The following DEFB112 variants were observed in gnomAD, a reference collection of about 807,000 sequenced individuals.
DEFB112 encodes defensin beta 112, also known as beta-defensin 112.
In DEFB112, 2 loss-of-function variants were observed where a neutral mutation model predicts 1.1. The observed-to-expected ratio is 1.85, with a 90% CI of 0.76 to 5.83. The LOEUF is 5.83. Ranked by LOEUF, DEFB112 falls within the 30% of genes most tolerant of loss-of-function variation. DEFB112 has a pLI of 0.05. For missense variants in DEFB112, 120 were observed against 94.4 expected (o/e 1.27, Z -1.12); for synonymous variants, 40 against 31.2 (o/e 1.28, Z -0.93).
rs994974407 is a variant in DEFB112 at position 50,043,518 on chromosome 6, G to A, written c.*57C>T. On this transcript the variant is annotated 3_prime_UTR_variant, in exon 2 of 2. Transcript: ENST00000651554. ...GGAAATTATAGGTCATTAATGAAGT[G>A]ATGAAATAATGAGAGGACTTCATTC... The A allele has an allele frequency of 1.5e-6, 2 of 1,325,806 alleles. No individual in the cohort carries two copies. The highest frequency in any genetic ancestry group is 2.9e-5 in the African/African-American group (2 of 68,922). 82.1% of individuals were successfully genotyped at this position (1,325,806 alleles called of 1,614,324 possible). A position where few individuals can be genotyped will look rare whatever the true frequency, so the allele number is the denominator to read the frequency against.
intron 1 of DEFB112, among the ~76,000 whole-genome samples, chr6:50,049,068 A>C (rs1774886071): frequency 6.6e-6 from 1 of 152,122 alleles, no homozygotes; most frequent in African/African-American, 2.4e-5. Context: ...AAGAAAAATT[A>C]TTATCTGATT....
rs1031003279 is a variant in DEFB112 at position 50,043,213 on chromosome 6, C to T, written c.*362G>A. On this transcript the variant is annotated 3_prime_UTR_variant, in exon 2 of 2. Coordinates refer to ENST00000651554, the MANE Select transcript of DEFB112 (RefSeq NM_001369057.2). Reference sequence around the variant, plus strand: ...CTAGTTCAGGGGTCACATCTCTTATCAACTCTGTCCCCACTCCTGAGTCTC... The same window carrying T: ...CTAGTTCAGGGGTCACATCTCTTATTAACTCTGTCCCCACTCCTGAGTCTC... Among the ~76,000 whole-genome samples, 1 of 152,030 alleles carries T rather than the reference C, an allele frequency of 6.6e-6. No individual in the cohort carries two copies. Among genetic ancestry groups the T allele is most frequent in the Non-Finnish European group, 1.5e-5 (1 of 67,964 alleles).
intron 1 of DEFB112, chr6:50,048,398 T>G (rs1774871274): frequency 1.3e-6 from 1 of 762,674 alleles, no homozygotes; most frequent in African/African-American, 1.8e-5. Context: ...TCAGTCTTCA[T>G]AAAGCTATGA....
intron 1 of DEFB112, among the ~76,000 whole-genome samples, chr6:50,049,458 C>T (rs1405079911): frequency 2.0e-5 from 3 of 151,938 alleles, no homozygotes; most frequent in Admixed American, 6.6e-5. Context: ...CATAACTTTC[C>T]CAGTTTTTTC....
Position 50,043,662 on chromosome 6 carries a change from T to C in DEFB112, c.198A>G (p.Thr66=). The C allele has an allele frequency of 6.2e-7, 1 of 1,613,634 alleles. No individual in the cohort carries two copies. The highest frequency in any genetic ancestry group is 8.5e-7 in the Non-Finnish European group (1 of 1,179,632). ...CARPTTHCCV[T]ECDPTDPNNW... Reference sequence around the variant, plus strand: ...TATTTGGGTCCGTAGGGTCACATTCTGTCACGCAGCAATGAGTTGTAGGTC... The same window carrying C: ...TATTTGGGTCCGTAGGGTCACATTCCGTCACGCAGCAATGAGTTGTAGGTC... The change falls in exon 2 of 2, where the codon ACA becomes ACG. Residue 66 remains threonine (T), a synonymous_variant. Coordinates refer to ENST00000651554, the MANE Select transcript of DEFB112 (RefSeq NM_001369057.2).
At position 50,042,164 on chromosome 6, in the gene DEFB112, T is replaced by C. The variant is rs1337548290; in HGVS notation, c.*1411A>G. ...ACCACAGATACATTAAATTATAGTA[T>C]AGGTATACTGTGAGACCCCTGAAGT... is the stretch of plus-strand genomic sequence containing the variant. On this transcript the variant is annotated 3_prime_UTR_variant, in exon 2 of 2. Coordinates refer to ENST00000651554, the MANE Select transcript of DEFB112 (RefSeq NM_001369057.2). Among the ~76,000 whole-genome samples the C allele has an allele frequency of 6.6e-6, 1 of 152,038 alleles. No homozygotes were observed. The highest frequency in any genetic ancestry group is 2.4e-5 in the African/African-American group (1 of 41,424).
chr6:50,045,024 C>T (rs1774809422), intron 1 of DEFB112, among the ~76,000 whole-genome samples: 2 of 151,968 alleles, frequency 1.3e-5, no homozygotes. Flanking sequence ...TTAACATACT[C>T]TGGATTTGCA....
chr6:50,046,252 T>TGTGC (rs1554165640), intron 1 of DEFB112, among the ~76,000 whole-genome samples: 1 of 151,774 alleles, frequency 6.6e-6, no homozygotes, highest in African/African-American at 2.4e-5. Context: ...TGTGTGTGTG[T>TGTGC]GTGTGTGTAT....
At chr6:50,048,746 G>A (rs1026204535) in intron 1 of DEFB112, 2 of 810,058 alleles carry the variant, frequency 2.5e-6, no homozygotes, top group Non-Finnish European at 4.0e-6. Flanking sequence ...GGACACAAAT[G>A]TAGTTGCCTC....
rs1389405448 is a variant in DEFB112 at position 50,043,694 on chromosome 6, A to G, written c.166T>C (p.Cys56Arg). The G allele has an allele frequency of 6.2e-7, 1 of 1,613,602 alleles. No individual in the cohort carries two copies. The highest frequency in any genetic ancestry group is 1.7e-5 in the Admixed American group (1 of 59,976). Reference sequence around the variant, plus strand: ...CAGCAATGAGTTGTAGGTCTTGCACAGTATGAAATCCTAAATTCACTATCA... The same window carrying G: ...CAGCAATGAGTTGTAGGTCTTGCACGGTATGAAATCCTAAATTCACTATCA... ...CDDSEFRISY[C>R]ARPTTHCCVT... Residue 56 changes from cysteine (C) to arginine (R), a missense_variant, in exon 2 of 2, where the codon TGT becomes CGT. Transcript: ENST00000651554.
chr6:50,045,258 G>A (rs1056816051), intron 1 of DEFB112, among the ~76,000 whole-genome samples: 1 of 151,920 alleles, frequency 6.6e-6, no homozygotes, highest in Non-Finnish European at 1.5e-5. Context: ...CCTTCTGAGA[G>A]AAGAACACAA....
At chr6:50,046,412 G>A (rs1229525761) in intron 1 of DEFB112, among the ~76,000 whole-genome samples, 26 of 152,046 alleles carry the variant, frequency 1.7e-4, no homozygotes, top group Non-Finnish European at 4.4e-5. Context: ...GATCATATAG[G>A]TTATTTGCTA....
At chr6:50,048,193 C>A (rs187435783) in intron 1 of DEFB112, among the ~76,000 whole-genome samples, 8 of 151,440 alleles carry the variant, frequency 5.3e-5, no homozygotes, top group African/African-American at 1.9e-4. Context: ...AGGAGGGAAA[C>A]TGAGACAACA....
intron 1 of DEFB112, among the ~76,000 whole-genome samples, chr6:50,046,867 A>G (rs1256752440): frequency 2.0e-5 from 3 of 152,142 alleles, no homozygotes; most frequent in African/African-American, 7.2e-5. Context: ...GTCCTAAAAC[A>G]TAGGTTTGGA....
Position 50,044,757 on chromosome 6 carries a change from G to A in DEFB112, c.59-956C>T, listed in dbSNP as rs578216206. On this transcript the variant is annotated intron_variant, in intron 1 of 1. Coordinates refer to ENST00000651554, the MANE Select transcript of DEFB112 (RefSeq NM_001369057.2). Reference sequence around the variant, plus strand: ...AGGAAGTACATATCTACCATTACTCGACTAATATAAGCATGCATTGCTGGA... The same window carrying A: ...AGGAAGTACATATCTACCATTACTCAACTAATATAAGCATGCATTGCTGGA... Among the ~76,000 whole-genome samples, 227 of 152,010 alleles carry A rather than the reference G, an allele frequency of 1.5e-3. 1 individual carries two copies. Among genetic ancestry groups the A allele is most frequent in the African/African-American group, 5.0e-3 (207 of 41,520 alleles).
chr6:50,046,737 T>C (rs183278748), intron 1 of DEFB112, among the ~76,000 whole-genome samples: 25 of 152,334 alleles, frequency 1.6e-4, no homozygotes, highest in Non-Finnish European at 2.8e-4. Context: ...TGTAGCAATG[T>C]TTGTATTCTA....
At chr6:50,045,936 TG>T (rs1235135889) in intron 1 of DEFB112, among the ~76,000 whole-genome samples, 1 of 152,166 alleles carries the variant, frequency 6.6e-6, no homozygotes, top group Non-Finnish European at 1.5e-5. Context: ...ATACGTTCAG[TG>T]GATACAATAT....
At chr6:50,043,838 A>G (rs376703534) in intron 1 of DEFB112, 37 bp from the exon 2 acceptor site, 1 of 1,563,162 alleles carries the variant, frequency 6.4e-7, no homozygotes, top group Non-Finnish European at 8.8e-7. Flanking sequence ...TTAGTAATCT[A>G]GGTGGGAACT....
chr6:50,044,884 C>T (rs7739604), intron 1 of DEFB112, among the ~76,000 whole-genome samples: 21,104 of 151,854 alleles, frequency 0.14, 1,694 homozygotes, highest in Middle Eastern at 0.23. Flanking sequence ...TAACCATTTT[C>T]GTGTCCATCT....
Sources: allele counts gnomAD v4.1 joint callset (sites outside exome capture counted in the v4.1 genomes callset), GRCh38; gene constraint gnomAD v4.1.1; transcripts MANE v1.5; gene names NCBI Gene and HGNC (gene_info 2026-07-23, HGNC 2026-07-21).